Variants in TMT1A observed in about 807,000 individuals in gnomAD.
TMT1A encodes the protein thiol methyltransferase 1A, also known as thiol S-methyltransferase TMT1A.
At chr12:50,929,121 G>A in the TMT1A span, among the ~76,000 whole-genome samples, 1 of 152,108 alleles carries the variant, frequency 6.6e-6, no homozygotes, top group Non-Finnish European at 1.5e-5. Context: ...TGTTGTCCCA[G>A]CTACTTGGGG....
chr12:50,925,558 G>A, the TMT1A span: 1 of 1,604,740 alleles, frequency 6.2e-7, no homozygotes, highest in Non-Finnish European at 8.5e-7. Context: ...GGTGTGAGGA[G>A]GACTAGTTAG....
chr12:50,925,467 C>T, the TMT1A span: 2 of 1,614,198 alleles, frequency 1.2e-6, no homozygotes, highest in African/African-American at 1.3e-5. Context: ...TGGTGGTCTG[C>T]ACCCTGGTGC....
the TMT1A span, chr12:50,932,379 G>C: frequency 6.6e-6 from 1 of 152,138 alleles, no homozygotes; most frequent in Non-Finnish European, 1.5e-5. Flanking sequence ...TGGTTAGAGG[G>C]TTTAATATTT....
At chr12:50,927,100 G>C in the TMT1A span, among the ~76,000 whole-genome samples, 1 of 152,084 alleles carries the variant, frequency 6.6e-6, no homozygotes, top group Non-Finnish European at 1.5e-5. Flanking sequence ...GCTCACTGCA[G>C]CCTTGACCTG....
the TMT1A span, chr12:50,925,560 A>G: frequency 6.2e-7 from 1 of 1,602,930 alleles, no homozygotes; most frequent in Non-Finnish European, 8.5e-7. Context: ...TGTGAGGAGG[A>G]CTAGTTAGTA....
the TMT1A span, among the ~76,000 whole-genome samples, chr12:50,925,917 T>C: frequency 0.1 from 14,547 of 144,186 alleles, 898 homozygotes; most frequent in African/African-American, 0.18. Flanking sequence ...CAGGTGCCTG[T>C]AGGCAGGAGA....
the TMT1A span, chr12:50,930,383 G>A: frequency 1.5e-4 from 53 of 342,076 alleles, no homozygotes; most frequent in African/African-American, 9.0e-4. Flanking sequence ...GGGTTTAAGC[G>A]ATTCTTCTGC....
the TMT1A span, among the ~76,000 whole-genome samples, chr12:50,928,275 T>G: frequency 0.011 from 1,740 of 152,300 alleles, 33 homozygotes; most frequent in African/African-American, 0.039. Flanking sequence ...TGACACAGGA[T>G]TTTTGCTCCT....
chr12:50,927,597 A>G, the TMT1A span, among the ~76,000 whole-genome samples: 2 of 152,216 alleles, frequency 1.3e-5, no homozygotes, highest in Non-Finnish European at 2.9e-5. Flanking sequence ...CCAAAAATCA[A>G]TTGAACTCTT....
At chr12:50,925,505 T>C in the TMT1A span, 1 of 1,613,908 alleles carries the variant, frequency 6.2e-7, no homozygotes, top group South Asian at 1.1e-5. Context: ...CAGGAGCGGA[T>C]TCTCCGCGAG....
chr12:50,926,928 A>T, the TMT1A span, among the ~76,000 whole-genome samples: 1 of 152,180 alleles, frequency 6.6e-6, no homozygotes, highest in Non-Finnish European at 1.5e-5. Context: ...TAGCTAGTTT[A>T]AAATCGTTTT....
chr12:50,927,147 C>T, the TMT1A span, among the ~76,000 whole-genome samples: 1 of 152,070 alleles, frequency 6.6e-6, no homozygotes, highest in African/African-American at 2.4e-5. Context: ...AGCCTCCCCA[C>T]CCTCCCAGCA....
the TMT1A span, among the ~76,000 whole-genome samples, chr12:50,926,867 T>C: frequency 2.6e-5 from 4 of 152,254 alleles, no homozygotes; most frequent in African/African-American, 9.6e-5. Context: ...CCGTAAAGTC[T>C]GTAATTCTTT....
the TMT1A span, among the ~76,000 whole-genome samples, chr12:50,928,524 G>A: frequency 6.6e-6 from 1 of 152,156 alleles, no homozygotes; most frequent in East Asian, 1.9e-4. Context: ...GCGTGCATGT[G>A]GGGCCTTAGT....
At chr12:50,926,036 AAAAGAAAG>A in the TMT1A span, among the ~76,000 whole-genome samples, 1 of 148,180 alleles carries the variant, frequency 6.7e-6, no homozygotes, top group African/African-American at 2.5e-5. Flanking sequence ...AAAAAAAAAA[AAAAGAAAG>A]AAAGAAAAAA....
At chr12:50,925,558 G>C in the TMT1A span, 3 of 1,604,622 alleles carry the variant, frequency 1.9e-6, no homozygotes, top group Non-Finnish European at 2.6e-6. Context: ...GGTGTGAGGA[G>C]GACTAGTTAG....
At chr12:50,928,004 T>C in the TMT1A span, among the ~76,000 whole-genome samples, 1 of 152,142 alleles carries the variant, frequency 6.6e-6, no homozygotes, top group Non-Finnish European at 1.5e-5. Context: ...TTTATATTTT[T>C]AGTAGGGATG....
At chr12:50,927,827 A>G in the TMT1A span, among the ~76,000 whole-genome samples, 1 of 152,062 alleles carries the variant, frequency 6.6e-6, no homozygotes, top group African/African-American at 2.4e-5. Context: ...TGCAAATGCA[A>G]ATATTCCTTT....
chr12:50,925,406 TG>T, the TMT1A span: 3 of 1,614,248 alleles, frequency 1.9e-6, no homozygotes, highest in Non-Finnish European at 2.5e-6. Context: ...GAGCGCTTTG[TG>T]GTAGCTGCCG....
Sources: allele counts gnomAD v4.1 joint callset (sites outside exome capture counted in the v4.1 genomes callset), GRCh38; gene constraint gnomAD v4.1.1; transcripts MANE v1.5; gene names NCBI Gene and HGNC (gene_info 2026-07-23, HGNC 2026-07-21).